The following CCDC178 variants were observed in gnomAD, a reference collection of about 807,000 sequenced individuals.
The protein encoded by CCDC178 is coiled-coil domain containing 178.
In CCDC178, 126 loss-of-function variants were observed where a neutral mutation model predicts 117.4. The ratio of observed to expected loss-of-function variants is 1.07; its 90% CI spans 0.93 to 1.24. The LOEUF is 1.24. Ranked by LOEUF, CCDC178 falls within the 50% of genes most tolerant of loss-of-function variation. CCDC178 has a pLI of 0.00. For missense variants in CCDC178, 1,030 were observed against 986.9 expected, an observed-to-expected ratio of 1.04 and a Z score of -0.59; for synonymous variants, 283 against 313.4, an observed-to-expected ratio of 0.90 and a Z score of 1.02.
intron 22 of CCDC178, among the ~76,000 whole-genome samples, chr18:32,949,241 T>C (rs1482482198): frequency 2.0e-5 from 3 of 152,070 alleles, no homozygotes; most frequent in Admixed American, 6.6e-5. Flanking sequence ...TTACATATCT[T>C]GAGGTTGGGG....
intron 20 of CCDC178, among the ~76,000 whole-genome samples, chr18:33,211,305 C>A (rs1781322516): frequency 1.3e-5 from 2 of 151,676 alleles, no homozygotes; most frequent in African/African-American, 4.8e-5. Flanking sequence ...GTAACAAAAA[C>A]TATTGCAAAA....
rs576049298 is a variant in CCDC178 at position 33,436,437 on chromosome 18, T to C, written c.-23+3525A>G. 8.5e-5 allele frequency among the ~76,000 whole-genome samples: 13 copies of C among 152,318 alleles called. No individual in the cohort carries two copies. In the East Asian group the frequency reaches 2.1e-3, roughly 25 times the overall value. ...AAAGAGCTAGACATGAAGTGAGATA[T>C]AGATGCAAAGGAGGATGCTATTTGT... On this transcript the variant is annotated intron_variant, in intron 2 of 22. Coordinates refer to ENST00000383096, the MANE Select transcript of CCDC178 (RefSeq NM_001105528.4).
At chr18:33,081,852 T>C (rs1304173981) in intron 21 of CCDC178, among the ~76,000 whole-genome samples, 2 of 152,208 alleles carry the variant, frequency 1.3e-5, no homozygotes, top group Non-Finnish European at 2.9e-5. Flanking sequence ...AGTGATTTAC[T>C]ATGATGGAAA....
chr18:32,985,737 A>G (rs2055248434), intron 21 of CCDC178, among the ~76,000 whole-genome samples: 1 of 152,058 alleles, frequency 6.6e-6, no homozygotes, highest in Non-Finnish European at 1.5e-5. Flanking sequence ...ATGGAATACT[A>G]TTGACTCATA....
In CCDC178 at chr18:33,354,846, A is replaced by G. The variant is rs1390914521; in HGVS notation, c.371+1478T>C. On this transcript the variant is annotated intron_variant, in intron 7 of 22. Transcript: ENST00000383096. ...GCCAGGCTGGTCTTGAATCCCTGAC[A>G]TGATCCACCCGCCTTGGCCTCCCAA... Among the ~76,000 whole-genome samples the G allele has an allele frequency of 2.0e-5, 3 of 151,956 alleles. 1 individual carries two copies. The highest frequency in any genetic ancestry group is 7.2e-5 in the African/African-American group (3 of 41,400).
At chr18:33,375,001 G>C (rs80244812) in intron 5 of CCDC178, among the ~76,000 whole-genome samples, 12,601 of 152,202 alleles carry the variant, frequency 0.083, 743 homozygotes, top group Non-Finnish European at 0.12. Context: ...TTTCTGGAAA[G>C]ATGGAAATTT....
chr18:33,420,634 C>T (rs1232900133), intron 2 of CCDC178, among the ~76,000 whole-genome samples: 3 of 152,182 alleles, frequency 2.0e-5, no homozygotes, highest in African/African-American at 7.2e-5. Context: ...GGATTACAGG[C>T]ATGAGCCACT....
intron 20 of CCDC178, among the ~76,000 whole-genome samples, chr18:33,194,315 A>G (rs2058898899): frequency 6.6e-6 from 1 of 152,168 alleles, no homozygotes; most frequent in Admixed American, 6.5e-5. Flanking sequence ...TGACCAAGAT[A>G]ATGAAATAGG....
intron 21 of CCDC178, among the ~76,000 whole-genome samples, chr18:33,052,517 A>G (rs1271265706): frequency 1.3e-5 from 2 of 152,194 alleles, no homozygotes; most frequent in Non-Finnish European, 2.9e-5. Context: ...ATGGATTTGT[A>G]TTCAAAAGAG....
intron 21 of CCDC178, among the ~76,000 whole-genome samples, chr18:33,014,328 G>C (rs1192669300): frequency 1.3e-5 from 2 of 152,192 alleles, no homozygotes; most frequent in South Asian, 2.1e-4. Context: ...TGCTTAGAGC[G>C]TTTGTTTAGT....
At chr18:33,301,214 A>G (rs940793629) in intron 11 of CCDC178, among the ~76,000 whole-genome samples, 3 of 152,182 alleles carry the variant, frequency 2.0e-5, no homozygotes, top group Non-Finnish European at 4.4e-5. Context: ...GGTGGCTTCC[A>G]CCATGGTGTT....
intron 20 of CCDC178, among the ~76,000 whole-genome samples, chr18:33,175,884 T>G (rs2058659073): frequency 6.6e-6 from 1 of 152,178 alleles, no homozygotes; most frequent in East Asian, 1.9e-4. Flanking sequence ...CATCCAAAAA[T>G]GTCTATTGCT....
chr18:33,223,246 T>G (rs2059260214), intron 17 of CCDC178, 27 bp from the exon 18 acceptor site: 1 of 1,560,236 alleles, frequency 6.4e-7, no homozygotes, highest in Admixed American at 1.9e-5. Context: ...TATTAAGATG[T>G]GCAGCATTTG....
intron 21 of CCDC178, among the ~76,000 whole-genome samples, chr18:33,077,502 G>T (rs1007017959): frequency 2.0e-5 from 3 of 151,444 alleles, no homozygotes; most frequent in Admixed American, 6.6e-5. Flanking sequence ...TGAGTTTTTT[G>T]AAAAAAATAA....
intron 2 of CCDC178, among the ~76,000 whole-genome samples, chr18:33,433,689 T>G (rs538180728): frequency 6.6e-6 from 1 of 152,230 alleles, no homozygotes; most frequent in Non-Finnish European, 1.5e-5. Flanking sequence ...GTTGAGAAAA[T>G]GTAATAAAAC....
At chr18:33,226,184 C>G (rs191959395) in intron 16 of CCDC178, among the ~76,000 whole-genome samples, 1 of 151,930 alleles carries the variant, frequency 6.6e-6, no homozygotes, top group South Asian at 2.1e-4. Flanking sequence ...AGAAACCCAC[C>G]AACAAACAAA....
chr18:33,211,824 G>A (rs1033297221), intron 20 of CCDC178, 72 bp downstream of exon 20: 1 of 1,267,730 alleles, frequency 7.9e-7, no homozygotes, highest in Non-Finnish European at 1.1e-6. Flanking sequence ...GATAAAAATT[G>A]TCTCAAACTA....
intron 22 of CCDC178, among the ~76,000 whole-genome samples, chr18:32,969,253 C>T (rs2054876694): frequency 6.6e-6 from 1 of 151,964 alleles, no homozygotes; most frequent in Non-Finnish European, 1.5e-5. Flanking sequence ...CACACAGATA[C>T]TTGCACAAAG....
chr18:33,073,768 T>C (rs2145006533), intron 21 of CCDC178, among the ~76,000 whole-genome samples: 1 of 152,252 alleles, frequency 6.6e-6, no homozygotes, highest in East Asian at 1.9e-4. Context: ...CATACGTTTA[T>C]GGCAGAAATA....
Sources: allele counts gnomAD v4.1 joint callset (sites outside exome capture counted in the v4.1 genomes callset), GRCh38; gene constraint gnomAD v4.1.1; transcripts MANE v1.5; gene names NCBI Gene and HGNC (gene_info 2026-07-23, HGNC 2026-07-21).